NBAS: variants seen among roughly 807,000 people sequenced by gnomAD.
NBAS encodes the protein NBAS subunit of NRZ tethering complex.
In NBAS, 219 loss-of-function variants were observed where a neutral mutation model predicts 302.5. That is an observed-to-expected ratio of 0.72 (90% CI 0.65 to 0.81). The LOEUF (loss-of-function observed/expected upper bound fraction) is 0.81, where lower values mean the gene tolerates loss of function less well. NBAS is among the 30% of genes least tolerant of loss of function. The probability of loss-of-function intolerance (pLI) is 0.00; values close to 1 mark genes in which losing one functional copy is unlikely to be tolerated. For missense variants in NBAS, 2,932 were observed against 2,841.6 expected, an observed-to-expected ratio of 1.03 and a Z score of -0.72; for synonymous variants, 1,118 against 1,021.6, an observed-to-expected ratio of 1.09 and a Z score of -1.80.
chr2:15,102,438 T>C, the NBAS span, among the ~76,000 whole-genome samples: 1 of 152,196 alleles, frequency 6.6e-6, no homozygotes, highest in Non-Finnish European at 1.5e-5. Flanking sequence ...ATTCATATAT[T>C]CATTTAGCAA....
the NBAS span, among the ~76,000 whole-genome samples, chr2:15,073,794 A>G: frequency 6.6e-6 from 1 of 152,338 alleles, no homozygotes; most frequent in African/African-American, 2.4e-5. Context: ...TGCAGATAAC[A>G]CCAATACATT....
At chr2:15,372,816 C>T (rs1674553027) in intron 31 of NBAS, among the ~76,000 whole-genome samples, 1 of 152,164 alleles carries the variant, frequency 6.6e-6, no homozygotes, top group Non-Finnish European at 1.5e-5. Flanking sequence ...CACATATTAC[C>T]AGCAAAAAAT....
the NBAS span, among the ~76,000 whole-genome samples, chr2:14,899,739 CTT>C: frequency 5.4e-3 from 783 of 145,594 alleles, 3 homozygotes; most frequent in African/African-American, 8.5e-3. Flanking sequence ...AAGGTCACAA[CTT>C]TTTTTTTTTT....
chr2:15,543,660 C>A (rs1663962074), intron 6 of NBAS, among the ~76,000 whole-genome samples: 1 of 152,126 alleles, frequency 6.6e-6, no homozygotes, highest in Admixed American at 6.6e-5. Flanking sequence ...GCAGAAACCC[C>A]CGATAAAACC....
intron 21 of NBAS, among the ~76,000 whole-genome samples, chr2:15,458,752 A>G (rs977922614): frequency 4.6e-5 from 7 of 152,212 alleles, no homozygotes; most frequent in Admixed American, 4.6e-4. Flanking sequence ...GGACAGAGAT[A>G]TTATTGTAAC....
At chr2:15,152,624 A>G in the NBAS span, among the ~76,000 whole-genome samples, 6 of 152,190 alleles carry the variant, frequency 3.9e-5, no homozygotes, top group Non-Finnish European at 7.3e-5. Flanking sequence ...TCCTTTTTCT[A>G]TGGAGCGCTC....
At chr2:14,988,320 A>ATT in the NBAS span, among the ~76,000 whole-genome samples, 1 of 152,202 alleles carries the variant, frequency 6.6e-6, no homozygotes, top group Non-Finnish European at 1.5e-5. Flanking sequence ...ATATAATTTC[A>ATT]TTTTAAAGTA....
At chr2:15,280,102 A>T (rs1288309264) in intron 42 of NBAS, among the ~76,000 whole-genome samples, 1 of 152,222 alleles carries the variant, frequency 6.6e-6, no homozygotes, top group African/African-American at 2.4e-5. Flanking sequence ...AGAAGCCAGC[A>T]TTAGTTGCAC....
chr2:15,543,637 G>T (rs966009358), intron 6 of NBAS, among the ~76,000 whole-genome samples: 1 of 152,166 alleles, frequency 6.6e-6, no homozygotes, highest in Non-Finnish European at 1.5e-5. Context: ...AAGAGAATGA[G>T]GAAGATGCAA....
chr2:15,188,717 G>A (rs1479986409), intron 49 of NBAS, among the ~76,000 whole-genome samples: 1 of 152,152 alleles, frequency 6.6e-6, no homozygotes, highest in African/African-American at 2.4e-5. Flanking sequence ...TGCAATAAAT[G>A]TTTTAAGTAA....
intron 46 of NBAS, 64 bp from the exon 47 acceptor site, chr2:15,232,575 A>T: frequency 6.8e-7 from 1 of 1,462,982 alleles, no homozygotes; most frequent in Admixed American, 1.7e-5. Context: ...TAAACTTGGT[A>T]TTCACACCCT....
chr2:15,413,034 C>T (rs183372541), intron 25 of NBAS, among the ~76,000 whole-genome samples: 8 of 152,200 alleles, frequency 5.3e-5, no homozygotes, highest in East Asian at 1.9e-4. Flanking sequence ...GCACTGCCAG[C>T]GCCAATAAGA....
chr2:14,797,792 T>C, the NBAS span, among the ~76,000 whole-genome samples: 1 of 151,938 alleles, frequency 6.6e-6, no homozygotes, highest in Admixed American at 6.6e-5. Flanking sequence ...GCAGCCAGCC[T>C]GGAGCCGAGC....
At chr2:15,505,381 G>T (rs1661795550) in intron 10 of NBAS, among the ~76,000 whole-genome samples, 1 of 152,184 alleles carries the variant, frequency 6.6e-6, no homozygotes, top group South Asian at 2.1e-4. Context: ...GGACCTAAGT[G>T]TGGGCATGAT....
At chr2:15,155,255 C>T in the NBAS span, among the ~76,000 whole-genome samples, 14 of 152,146 alleles carry the variant, frequency 9.2e-5, no homozygotes, top group African/African-American at 3.1e-4. Context: ...ATATGTATGT[C>T]AAGCCCCTAA....
chr2:15,177,803 G>C (rs951599465), intron 51 of NBAS: 1 of 173,230 alleles, frequency 5.8e-6, no homozygotes, highest in African/African-American at 2.4e-5. Flanking sequence ...GCTACGGAAA[G>C]GCAAGTCCCC....
chr2:15,544,380 G>A (rs1441925989), intron 6 of NBAS, among the ~76,000 whole-genome samples: 3 of 151,804 alleles, frequency 2.0e-5, no homozygotes, highest in South Asian at 2.1e-4. Flanking sequence ...GAAGGAAGGC[G>A]GGAAAGAGGG....
chr2:14,917,545 G>A, the NBAS span, among the ~76,000 whole-genome samples: 1 of 152,242 alleles, frequency 6.6e-6, no homozygotes, highest in African/African-American at 2.4e-5. Flanking sequence ...TAGAAGGTAT[G>A]AATTAGAAGG....
At chr2:15,322,415 T>C (rs1449330164) in intron 38 of NBAS, among the ~76,000 whole-genome samples, 2 of 151,758 alleles carry the variant, frequency 1.3e-5, no homozygotes, top group Admixed American at 1.3e-4. Context: ...ATAAATAAAA[T>C]TTTAAAAAAA....
Sources: allele counts gnomAD v4.1 joint callset (sites outside exome capture counted in the v4.1 genomes callset), GRCh38; gene constraint gnomAD v4.1.1; transcripts MANE v1.5; gene names NCBI Gene and HGNC (gene_info 2026-07-23, HGNC 2026-07-21).